Variants in RUBCN observed in about 807,000 individuals in gnomAD.
RUBCN encodes rubicon autophagy regulator.
Under a neutral mutation model 113.2 loss-of-function variants are expected in RUBCN, and 74 were observed. That is an observed-to-expected ratio of 0.65 (90% CI 0.54 to 0.79). RUBCN has a LOEUF of 0.79. RUBCN is among the 30% of genes least tolerant of loss of function. The pLI, the probability that RUBCN is intolerant of heterozygous loss-of-function variation, is 0.00. For missense variants in RUBCN, 1,109 were observed against 1,251.7 expected (o/e 0.89, Z 1.72); for synonymous variants, 480 against 490.0 (o/e 0.98, Z 0.27).
chr3:197,709,945 CG>C (rs1331652725), intron 2 of RUBCN, among the ~76,000 whole-genome samples: 13 of 151,384 alleles, frequency 8.6e-5, no homozygotes, highest in African/African-American at 3.2e-4. Context: ...CAGAGGCAGG[CG>C]GATCACTTGA....
chr3:197,724,374 TGTGA>T (rs1477833737), intron 1 of RUBCN, among the ~76,000 whole-genome samples: 6 of 151,720 alleles, frequency 4.0e-5, no homozygotes, highest in East Asian at 1.9e-4. Flanking sequence ...AAACATGACA[TGTGA>T]GTATCTTATA....
intron 1 of RUBCN, among the ~76,000 whole-genome samples, chr3:197,728,972 GA>G (rs1222967389): frequency 2.0e-5 from 3 of 152,006 alleles, no homozygotes; most frequent in African/African-American, 4.8e-5. Flanking sequence ...AGTACTAACA[GA>G]AAGATTCAGG....
intron 11 of RUBCN, among the ~76,000 whole-genome samples, chr3:197,692,589 G>C (rs908709129): frequency 6.6e-6 from 1 of 152,036 alleles, no homozygotes; most frequent in Non-Finnish European, 1.5e-5. Context: ...TAGTGTCAGA[G>C]CTAAATTGTA....
intron 11 of RUBCN, among the ~76,000 whole-genome samples, chr3:197,690,913 C>T (rs1010376195): frequency 2.0e-4 from 30 of 152,208 alleles, no homozygotes; most frequent in African/African-American, 7.2e-4. Flanking sequence ...TTGTTCCTGG[C>T]TTGTTGTTCT....
chr3:197,694,493 TTCC>T lies in RUBCN; in HGVS notation c.1563_1565del (p.Glu522del), dbSNP rs1403458654. ...CTCTATCACTGTCTTCCTCTTCCAC[TTCC>T]TCCTCCTCTAGGCACTGGCTCATCA... On this transcript the variant is annotated inframe_deletion, in exon 10 of 20. Coordinates refer to ENST00000296343, the MANE Select transcript of RUBCN (RefSeq NM_014687.4). 1 of 1,614,142 alleles carries T rather than the reference TTCC, an allele frequency of 6.2e-7. No individual in the cohort carries two copies. Among genetic ancestry groups the T allele is most frequent in the African/African-American group, 1.3e-5 (1 of 75,036 alleles).
chr3:197,724,273 T>A (rs538224832), intron 1 of RUBCN, among the ~76,000 whole-genome samples: 1 of 152,160 alleles, frequency 6.6e-6, no homozygotes, highest in African/African-American at 2.4e-5. Context: ...TATGTTATAA[T>A]AAGTAACACT....
chr3:197,748,463 AAAG>A (rs1404499503), intron 1 of RUBCN: 1 of 151,816 alleles, frequency 6.6e-6, no homozygotes, highest in Non-Finnish European at 1.5e-5. Flanking sequence ...TGATAAAAAA[AAAG>A]AGACATCTTA....
chr3:197,684,819 T>C (rs538199226), intron 11 of RUBCN, among the ~76,000 whole-genome samples: 128 of 152,252 alleles, frequency 8.4e-4, no homozygotes, highest in African/African-American at 3.0e-3. Context: ...TCATGAAATA[T>C]ATGTGAAATT....
rs117909284 is a variant in RUBCN at position 197,705,380 on chromosome 3, C to A, written c.220-205G>T. 4.6e-3 allele frequency among the ~76,000 whole-genome samples: 704 copies of A among 152,026 alleles called. 5 individuals are homozygous for A. The highest frequency in any genetic ancestry group is 0.037 in the East Asian group (189 of 5,144). On this transcript the variant is annotated intron_variant, in intron 2 of 19. Coordinates refer to ENST00000296343, the MANE Select transcript of RUBCN (RefSeq NM_014687.4). ...AGCACTTCAGGAGGACTGCTTGAGT[C>A]CAGGTAGACTGGCCCATCTCTACAA...
In RUBCN at chr3:197,691,217, A is replaced by G. The variant is rs1054721848; in HGVS notation, c.1786+2498T>C. On this transcript the variant is annotated intron_variant, in intron 11 of 19. Transcript: ENST00000296343. ...AGGAAATAAACTAATATTCTATACC[A>G]TATGTTCCTGGAATCAAAACTTGCC... is the stretch of plus-strand genomic sequence containing the variant. 2.5e-5 allele frequency: 21 copies of G among 835,752 alleles called. No individual in the cohort carries two copies. The East Asian group carries it at 8.2e-4, about 33-fold the overall frequency. 51.8% of individuals were successfully genotyped at this position (835,752 alleles called of 1,614,324 possible).
chr3:197,701,180 G>A (rs2108904701), intron 6 of RUBCN, 34 bp from the exon 7 acceptor site: 1 of 1,489,008 alleles, frequency 6.7e-7, no homozygotes, highest in Non-Finnish European at 8.9e-7. Flanking sequence ...AGGGGAGCAA[G>A]GGTGAGGTGG....
intron 1 of RUBCN, among the ~76,000 whole-genome samples, chr3:197,736,007 G>C (rs1279510354): frequency 6.6e-6 from 1 of 152,202 alleles, no homozygotes. Flanking sequence ...AAAGGGACAG[G>C]TTTGAAGACG....
upstream of RUBCN, among the ~76,000 whole-genome samples, chr3:197,739,579 C>G (rs1252957803): frequency 3.3e-5 from 5 of 151,800 alleles, no homozygotes; most frequent in East Asian, 9.7e-4. Context: ...GCCTGTAGTC[C>G]CAGCTACTCC....
intron 1 of RUBCN, among the ~76,000 whole-genome samples, chr3:197,722,954 T>A (rs1212322887): frequency 6.6e-6 from 1 of 152,172 alleles, no homozygotes; most frequent in Non-Finnish European, 1.5e-5. Context: ...TTAACCCATT[T>A]ACATTTAAGG....
chr3:197,694,408 G>A lies in RUBCN; in HGVS notation c.1651C>T (p.Leu551=), dbSNP rs760386324. Residue 551 remains leucine (L), a synonymous_variant, in exon 10 of 20, where the codon CTG becomes TTG. Transcript: ENST00000296343. ...LRRQQIRTKN[L]LPMYQEAEHG... ...TCAGCCTCCTGGTACATGGGGAGCA[G>A]GTTCTTGGTGCGGATTTGCTGGCGC... 6.2e-5 allele frequency: 100 copies of A among 1,614,122 alleles called. No homozygotes were observed. Among genetic ancestry groups the A allele is most frequent in the Non-Finnish European group, 8.4e-5 (99 of 1,180,048 alleles).
chr3:197,737,182 T>C (rs1028505042), upstream of RUBCN: 3 of 192,788 alleles, frequency 1.6e-5, no homozygotes, highest in African/African-American at 7.2e-5. Context: ...TGCCGGGGCG[T>C]ATCCTTATTC....
intron 2 of RUBCN, among the ~76,000 whole-genome samples, chr3:197,713,065 G>A (rs771928498): frequency 6.6e-6 from 1 of 152,110 alleles, no homozygotes; most frequent in Non-Finnish European, 1.5e-5. Flanking sequence ...CACCATGTTG[G>A]TCAGGCTGGT....
intron 4 of RUBCN, 146 bp from the exon 5 acceptor site, chr3:197,703,800 G>GAGGTGCAAGCTGAAGAACA: frequency 1.5e-6 from 1 of 679,432 alleles, no homozygotes; most frequent in Admixed American, 2.1e-5. Flanking sequence ...GCTGAAGAAC[G>GAGGTGCAAGCTGAAGAACA]CGAGGTGCAG....
rs557981526 is a variant in RUBCN at position 197,712,583 on chromosome 3, G to A, written c.219+5394C>T. ...TCTCAGATCTTTACCAGGCAGAACA[G>A]AGCAGCAAGGAAACCGGCACGGATC... On this transcript the variant is annotated intron_variant, in intron 2 of 19. Transcript: ENST00000296343. Among the ~76,000 whole-genome samples the A allele has an allele frequency of 3.9e-5, 6 of 152,276 alleles. No homozygotes were observed. The South Asian group carries it at 1.2e-3, about 32-fold the overall frequency.
Sources: allele counts gnomAD v4.1 joint callset (sites outside exome capture counted in the v4.1 genomes callset), GRCh38; gene constraint gnomAD v4.1.1; transcripts MANE v1.5; gene names NCBI Gene and HGNC (gene_info 2026-07-23, HGNC 2026-07-21).